The following BCLAF1 variants were observed in gnomAD, a reference collection of about 807,000 sequenced individuals.
The protein encoded by BCLAF1 is BCL2 associated transcription factor 1, also known as bcl-2-associated transcription factor 1.
BCLAF1 carries 10 observed loss-of-function variants against 99.5 expected under a neutral mutation model. The ratio of observed to expected loss-of-function variants is 0.10; its 90% CI spans 0.06 to 0.17. BCLAF1 has a LOEUF of 0.17. Among genes scored for constraint, BCLAF1 ranks in the 10% least tolerant of loss-of-function variants. The pLI, the probability that BCLAF1 is intolerant of heterozygous loss-of-function variation, is 1.00. For missense variants in BCLAF1, 636 were observed against 1,105.8 expected (o/e 0.58, Z 6.02); for synonymous variants, 255 against 370.9 (o/e 0.69, Z 3.59).
chr6:136,268,823 A>C (rs1334667221), intron 9 of BCLAF1, among the ~76,000 whole-genome samples: 1 of 151,902 alleles, frequency 6.6e-6, no homozygotes, highest in Non-Finnish European at 1.5e-5. Flanking sequence ...CACAAACAAA[A>C]TCCACCATTT....
chr6:136,280,629 T>C (rs1012426873), intron 2 of BCLAF1, among the ~76,000 whole-genome samples: 5 of 152,164 alleles, frequency 3.3e-5, no homozygotes, highest in Admixed American at 6.5e-5. Flanking sequence ...TGGGCACCAG[T>C]AGTTTAACTT....
At chr6:136,276,940 T>C (rs1265603606) in intron 4 of BCLAF1, among the ~76,000 whole-genome samples, 1 of 152,218 alleles carries the variant, frequency 6.6e-6, no homozygotes, top group Non-Finnish European at 1.5e-5. Flanking sequence ...ATGGATTTAA[T>C]TACCACTGCA....
At chr6:136,267,922 TAC>T (rs1482163967) in intron 10 of BCLAF1, among the ~76,000 whole-genome samples, 12 of 151,918 alleles carry the variant, frequency 7.9e-5, no homozygotes, top group African/African-American at 2.7e-4. Flanking sequence ...AAGGACTAGG[TAC>T]AGTTATTGAT....
At chr6:136,282,893 ATGAAAC>A (rs751281545) in intron 1 of BCLAF1, among the ~76,000 whole-genome samples, 45 of 152,320 alleles carry the variant, frequency 3.0e-4, no homozygotes, top group Non-Finnish European at 4.1e-4. Flanking sequence ...GTAGCGTATC[ATGAAAC>A]TGACAGCATC....
chr6:136,282,893 A>C (rs972803208), intron 1 of BCLAF1, among the ~76,000 whole-genome samples: 1 of 152,204 alleles, frequency 6.6e-6, no homozygotes, highest in African/African-American at 2.4e-5. Context: ...GTAGCGTATC[A>C]TGAAACTGAC....
At chr6:136,281,294 A>G (rs1442879672) in intron 2 of BCLAF1, among the ~76,000 whole-genome samples, 2 of 152,204 alleles carry the variant, frequency 1.3e-5, no homozygotes, top group African/African-American at 4.8e-5. Context: ...CACAACACAT[A>G]AGAAATAAAT....
rs149462499 is a variant in BCLAF1, at chr6:136,284,708, C to A, written c.-114-2021G>T. Among the ~76,000 whole-genome samples, 1,251 of 152,282 alleles carry A rather than the reference C, an allele frequency of 8.2e-3. 15 individuals are homozygous for A. The highest frequency in any genetic ancestry group is 0.028 in the African/African-American group (1,183 of 41,542). ...TAAGTGCCTTACATGCCAGGCACTA[C>A]TATTCTAACGTTGGGAATACAGCAT... On this transcript the variant is annotated intron_variant, in intron 1 of 12. Transcript: ENST00000531224.
At chr6:136,281,863 T>A (rs540031100) in intron 2 of BCLAF1, among the ~76,000 whole-genome samples, 14 of 152,340 alleles carry the variant, frequency 9.2e-5, no homozygotes, top group African/African-American at 3.1e-4. Flanking sequence ...TAAATAACTA[T>A]AAAATGAATG....
At position 136,269,580 on chromosome 6, in the gene BCLAF1, G is replaced by A. The variant is rs778493401; in HGVS notation, c.2076C>T (p.Asp692=). 13 of 1,606,984 alleles carry A rather than the reference G, an allele frequency of 8.1e-6. No individual in the cohort carries two copies. The South Asian group carries it at 8.9e-5, about 11-fold the overall frequency. ...TACGGCGATCAATGTCATGCCGAAG[G>A]TCAGCAGAGTCACACCTTAATTTTT... ...GDKKLRCDSA[D]LRHDIDRRRK... Residue 692 remains aspartate, a synonymous_variant, in exon 9 of 13, where the codon GAC becomes GAT. Transcript: ENST00000531224.
At chr6:136,281,413 A>G (rs1360230866) in intron 2 of BCLAF1, among the ~76,000 whole-genome samples, 1 of 152,226 alleles carries the variant, frequency 6.6e-6, no homozygotes, top group African/African-American at 2.4e-5. Flanking sequence ...TACAGCCTGT[A>G]AAGGAAGGAA....
rs60218804 is a variant in BCLAF1, at chr6:136,284,130, G to GTATATATATA, written c.-114-1453_-114-1444dup. ...TATACATATATATGTGTGTGTGTGT[G>GTATATATATA]TATATATATATATATATATATATAT... On this transcript the variant is annotated intron_variant, in intron 1 of 12. Coordinates refer to ENST00000531224, the MANE Select transcript of BCLAF1 (RefSeq NM_014739.3). 2.5e-3 allele frequency among the ~76,000 whole-genome samples: 306 copies of GTATATATATA among 122,080 alleles called. 1 individual carries two copies. The highest frequency in any genetic ancestry group is 4.9e-3 in the African/African-American group (120 of 24,552). The allele number at this position is 122,080 out of a possible 152,430, so 80.1% of individuals were successfully genotyped here.
Position 136,289,713 on chromosome 6 carries a change from C to T in BCLAF1, c.-115G>A, listed in dbSNP as rs1785718649. 6.5e-6 allele frequency: 1 copy of T among 152,752 alleles called. No individual in the cohort carries two copies. The highest frequency in any genetic ancestry group is 2.1e-4 in the South Asian group (1 of 4,840). 9.5% of individuals were successfully genotyped at this position (152,752 alleles called of 1,614,324 possible). A position where few individuals can be genotyped will look rare whatever the true frequency, so the allele number is the denominator to read the frequency against. On this transcript the variant is annotated splice_region_variant and 5_prime_UTR_variant, in exon 1 of 13. Coordinates refer to ENST00000531224, the MANE Select transcript of BCLAF1 (RefSeq NM_014739.3). ...AACTTGAATACATTGCGAGGCCTAC[C>T]TGACACGCCGAATCGCGGTTCCGGG...
Position 136,259,950 on chromosome 6 carries a change from G to A in BCLAF1, c.*1160C>T, listed in dbSNP as rs1780766555. The A allele has an allele frequency of 6.6e-6, 1 of 151,840 alleles. No individual in the cohort carries two copies. The highest frequency in any genetic ancestry group is 1.5e-5 in the Non-Finnish European group (1 of 67,882). The allele number at this position is 151,840 out of a possible 1,614,324, so 9.4% of individuals were successfully genotyped here. ...TTCACATTTGAAAAATTATCTACCT[G>A]AAGAATAGAACTCTTAAGAGGAAAA... is the stretch of plus-strand genomic sequence containing the variant. On this transcript the variant is annotated 3_prime_UTR_variant, in exon 13 of 13. Transcript: ENST00000531224.
intron 11 of BCLAF1, among the ~76,000 whole-genome samples, chr6:136,265,881 G>C (rs797556): frequency 0.18 from 27,932 of 152,004 alleles, 2,833 homozygotes; most frequent in African/African-American, 0.28. Flanking sequence ...TCCATCCTTA[G>C]TACCTAGCAT....
intron 11 of BCLAF1, among the ~76,000 whole-genome samples, chr6:136,265,073 A>T (rs1781538399): frequency 6.6e-6 from 1 of 152,152 alleles, no homozygotes; most frequent in Non-Finnish European, 1.5e-5. Flanking sequence ...TTAAACAATT[A>T]CTATCTATTT....
intron 3 of BCLAF1, 76 bp downstream of exon 3, chr6:136,279,687 C>T (rs1784095963): frequency 1.5e-6 from 2 of 1,300,948 alleles, no homozygotes; most frequent in Non-Finnish European, 2.0e-6. Context: ...TGGGGTTTAG[C>T]ACTGTGTTTA....
In BCLAF1 at chr6:136,268,214, T is replaced by C. The variant is rs201356063; in HGVS notation, c.2345A>G (p.Glu782Gly). 1.3e-6 allele frequency: 2 copies of C among 1,568,858 alleles called. No individual in the cohort carries two copies. The highest frequency in any genetic ancestry group is 1.4e-5 in the African/African-American group (1 of 72,568). The part of the protein sequence containing the change: ...EREEEFKTHH[E>G]MKEYSGFAGV... ...TGCAAAGCCTGAGTATTCTTTCATTTCATGGTGAGTTTTAAATTCTTCTTC... is the reference window on the plus strand; with the variant it reads ...TGCAAAGCCTGAGTATTCTTTCATTCCATGGTGAGTTTTAAATTCTTCTTC... The change falls in exon 10 of 13, where the codon GAA becomes GGA. Residue 782 changes from glutamate (E) to glycine (G), a missense_variant. Physicochemically the swap from Glu to Gly is moderately conservative, Grantham distance 98. Around this residue, in one of 9 missense-constraint regions of BCLAF1, gnomAD observed 180 missense variants for 270.0 expected, o/e 0.67. Transcript: ENST00000531224.
chr6:136,280,469 A>G (rs567520371), intron 2 of BCLAF1, among the ~76,000 whole-genome samples: 1 of 152,252 alleles, frequency 6.6e-6, no homozygotes, highest in Non-Finnish European at 1.5e-5. Context: ...TGCTCTCAGT[A>G]CTCATGACTC....
intron 10 of BCLAF1, 43 bp from the exon 11 acceptor site, chr6:136,267,218 G>GT (rs370472276): frequency 2.5e-6 from 4 of 1,581,160 alleles, no homozygotes; most frequent in African/African-American, 2.7e-5. Flanking sequence ...CAATCAAAAG[G>GT]TATTTAGTTA....
Sources: gnomAD v4.1 joint callset for allele counts (sites outside exome capture counted in the v4.1 genomes callset) on GRCh38, gnomAD v4.1.1 for gene constraint, gnomAD v4.1.1 regional missense constraint, MANE v1.5 for transcripts, NCBI Gene and HGNC (gene_info 2026-07-23, HGNC 2026-07-21) for gene names.